Variants in RBFOX1 observed in about 807,000 individuals in gnomAD.
RBFOX1 encodes the protein RNA binding fox-1 homolog 1.
In RBFOX1, 8 loss-of-function variants were observed where a neutral mutation model predicts 57.7. The observed-to-expected ratio is 0.14, with a 90% CI of 0.08 to 0.25. The LOEUF (loss-of-function observed/expected upper bound fraction) is 0.25, where lower values mean the gene tolerates loss of function less well. Among genes scored for constraint, RBFOX1 ranks in the 10% least tolerant of loss-of-function variants. The pLI is 1.00. For synonymous variants in RBFOX1, 326 were observed against 222.4 expected, an observed-to-expected ratio of 1.47 and a Z score of -4.15; for missense variants, 611 against 548.5, an observed-to-expected ratio of 1.11 and a Z score of -1.14.
chr16:5,627,800 T>C (rs2048388292), intron 3 of RBFOX1, among the ~76,000 whole-genome samples: 1 of 152,208 alleles, frequency 6.6e-6, no homozygotes, highest in South Asian at 2.1e-4. Context: ...TGATTTAAAC[T>C]ATACAGGAGG....
chr16:7,398,978 G>A (rs368096201), intron 4 of RBFOX1, among the ~76,000 whole-genome samples: 3 of 152,162 alleles, frequency 2.0e-5, no homozygotes, highest in East Asian at 3.9e-4. Flanking sequence ...AAAGTTTGAT[G>A]TCAAGGTGTC....
chr16:5,515,596 G>A (rs967924019), intron 2 of RBFOX1, among the ~76,000 whole-genome samples: 1 of 152,160 alleles, frequency 6.6e-6, no homozygotes, highest in Admixed American at 6.5e-5. Context: ...ACTACCTAAT[G>A]GAAAATCCTT....
chr16:5,305,076 C>G (rs547314816), intron 1 of RBFOX1, among the ~76,000 whole-genome samples: 1 of 152,042 alleles, frequency 6.6e-6, no homozygotes, highest in African/African-American at 2.4e-5. Flanking sequence ...CTCAGGTGGG[C>G]TTTGCAAGGG....
intron 3 of RBFOX1, among the ~76,000 whole-genome samples, chr16:6,801,859 T>C (rs2085545391): frequency 6.6e-6 from 1 of 152,156 alleles, no homozygotes; most frequent in African/African-American, 2.4e-5. Context: ...TGCATTCATC[T>C]GAAGACCTAA....
chr16:6,020,277 C>A (rs1475415293), intron 1 of RBFOX1, among the ~76,000 whole-genome samples: 2 of 152,124 alleles, frequency 1.3e-5, no homozygotes, highest in South Asian at 2.1e-4. Context: ...CTACCTCGTC[C>A]GTCCTCCTGG....
At chr16:6,965,424 C>G (rs928646139) in intron 3 of RBFOX1, among the ~76,000 whole-genome samples, 1 of 151,748 alleles carries the variant, frequency 6.6e-6, no homozygotes, top group Non-Finnish European at 1.5e-5. Context: ...CTTACTGCAG[C>G]CTCCCGGGTT....
chr16:7,412,738 G>C (rs1018160165), intron 4 of RBFOX1, among the ~76,000 whole-genome samples: 1 of 152,132 alleles, frequency 6.6e-6, no homozygotes, highest in African/African-American at 2.4e-5. Context: ...GATTTTCCCA[G>C]GCTGATTTAA....
chr16:5,830,697 C>T (rs1308327756), intron 3 of RBFOX1, among the ~76,000 whole-genome samples: 1 of 152,216 alleles, frequency 6.6e-6, no homozygotes, highest in Non-Finnish European at 1.5e-5. Flanking sequence ...CTCTCTGCAT[C>T]ACCACTGCCC....
chr16:5,658,263 A>G (rs1397141740), intron 3 of RBFOX1, among the ~76,000 whole-genome samples: 1 of 152,156 alleles, frequency 6.6e-6, no homozygotes, highest in African/African-American at 2.4e-5. Context: ...TGAGACCCCA[A>G]GACTGGAGAC....
chr16:7,288,668 C>A (rs1274071710), intron 4 of RBFOX1, among the ~76,000 whole-genome samples: 1 of 152,134 alleles, frequency 6.6e-6, no homozygotes, highest in Non-Finnish European at 1.5e-5. Flanking sequence ...TGGTGAAATG[C>A]CATCTCTACT....
chr16:5,514,935 G>T (rs1020131530), intron 2 of RBFOX1, among the ~76,000 whole-genome samples: 1 of 152,176 alleles, frequency 6.6e-6, no homozygotes, highest in African/African-American at 2.4e-5. Flanking sequence ...GAAGCATGGC[G>T]CCAGTGTCTG....
chr16:6,102,162 C>A (rs572115483), intron 1 of RBFOX1, among the ~76,000 whole-genome samples: 1 of 137,662 alleles, frequency 7.3e-6, no homozygotes, highest in Admixed American at 7.6e-5. Context: ...TTAGGGTAAT[C>A]TTCCCTCTTT....
Position 5,248,912 on chromosome 16 carries a change from C to T in RBFOX1, c.219+8807C>T, listed in dbSNP as rs186830899. ...CTGAGCCACGTGAATTGCTTGAACC[C>T]GGGAGGTGGAGGTTGCAGTGAGCTG... is the stretch of plus-strand genomic sequence containing the variant. On this transcript the variant is annotated intron_variant, in intron 1 of 2. Coordinates refer to the RBFOX1 transcript ENST00000585867. Among the ~76,000 whole-genome samples, 134 of 138,276 alleles carry T rather than the reference C, an allele frequency of 9.7e-4. 1 individual carries two copies. Among genetic ancestry groups the T allele is most frequent in the Admixed American group, 4.6e-3 (58 of 12,610 alleles). 90.7% of individuals were successfully genotyped at this position (138,276 alleles called of 152,430 possible).
intron 3 of RBFOX1, among the ~76,000 whole-genome samples, chr16:5,854,410 T>C (rs531148310): frequency 6.6e-6 from 1 of 152,348 alleles, no homozygotes; most frequent in Non-Finnish European, 1.5e-5. Context: ...TTAGATCTCA[T>C]GTATTAGTGA....
At chr16:6,825,494 C>T (rs183452746) in intron 3 of RBFOX1, among the ~76,000 whole-genome samples, 1 of 152,220 alleles carries the variant, frequency 6.6e-6, no homozygotes, top group African/African-American at 2.4e-5. Flanking sequence ...AACAAACAAG[C>T]TGAGAACACA....
At chr16:7,404,699 T>C (rs7193878) in intron 4 of RBFOX1, among the ~76,000 whole-genome samples, 135,116 of 152,234 alleles carry the variant, frequency 0.89, 60,048 homozygotes, top group South Asian at 0.95. Context: ...GAATGCTTTT[T>C]CAGAAAAAAC....
chr16:7,025,610 G>C (rs1325510438), intron 3 of RBFOX1, among the ~76,000 whole-genome samples: 1 of 152,104 alleles, frequency 6.6e-6, no homozygotes, highest in African/African-American at 2.4e-5. Context: ...CAGAGCTAAG[G>C]AGACCTGGGC....
intron 2 of RBFOX1, among the ~76,000 whole-genome samples, chr16:6,558,175 A>G (rs1485170976): frequency 6.6e-6 from 1 of 152,214 alleles, no homozygotes; most frequent in Non-Finnish European, 1.5e-5. Flanking sequence ...GGAGTGCGAT[A>G]GAGCTGGAGC....
intron 1 of RBFOX1, among the ~76,000 whole-genome samples, chr16:5,338,915 G>C (rs2064966303): frequency 6.6e-6 from 1 of 152,094 alleles, no homozygotes; most frequent in African/African-American, 2.4e-5. Flanking sequence ...ATATTGACAA[G>C]ATTGTATTTA....
Sources: allele counts gnomAD v4.1 joint callset (sites outside exome capture counted in the v4.1 genomes callset), GRCh38; gene constraint gnomAD v4.1.1; transcripts MANE v1.5; gene names NCBI Gene and HGNC (gene_info 2026-07-23, HGNC 2026-07-21).